The following NETO2 variants were observed in gnomAD, a reference collection of about 807,000 sequenced individuals.
NETO2 encodes neuropilin and tolloid-like protein 2.
In NETO2, 28 loss-of-function variants were observed where a neutral mutation model predicts 62.5. That is an observed-to-expected ratio of 0.45 (90% CI 0.33 to 0.61). The LOEUF (loss-of-function observed/expected upper bound fraction) is 0.61, where lower values mean the gene tolerates loss of function less well. Among genes scored for constraint, NETO2 ranks in the 20% least tolerant of loss-of-function variants. The pLI is 0.02. For missense variants in NETO2, 548 were observed against 643.2 expected (o/e 0.85, Z 1.60); for synonymous variants, 214 against 219.1 (o/e 0.98, Z 0.21).
At position 47,127,489 on chromosome 16, in the gene NETO2, G is replaced by T. The variant is rs74524838; in HGVS notation, c.481+836C>A. ...AAAGAGTAAATATTACAAGACAAAAGATGCCATTAGGTTAAGGATCTTGAA... is the reference window on the plus strand; with the variant it reads ...AAAGAGTAAATATTACAAGACAAAATATGCCATTAGGTTAAGGATCTTGAA... On this transcript the variant is annotated intron_variant, in intron 4 of 8. Transcript: ENST00000562435. Among the ~76,000 whole-genome samples, 24 of 152,220 alleles carry T rather than the reference G, an allele frequency of 1.6e-4. No individual in the cohort carries two copies. In the East Asian group the frequency reaches 4.4e-3, roughly 28 times the overall value.
In NETO2 at chr16:47,081,095, TAGTTACA is replaced by T. The variant is rs1963053055; in HGVS notation, c.*2119_*2125del. On this transcript the variant is annotated 3_prime_UTR_variant, in exon 9 of 9. Transcript: ENST00000562435. ...AAATCAAATTTCAAAAACAAAAATG[TAGTTACA>T]AGTGACTATAGTTTAGCATACTGTA... 6.6e-6 allele frequency: 1 copy of T among 152,192 alleles called. No homozygotes were observed. Among genetic ancestry groups the T allele is most frequent in the Non-Finnish European group, 1.5e-5 (1 of 68,010 alleles). 9.4% of individuals were successfully genotyped at this position (152,192 alleles called of 1,614,324 possible).
At chr16:47,140,752 C>G (rs1964445853) in intron 1 of NETO2, among the ~76,000 whole-genome samples, 2 of 152,076 alleles carry the variant, frequency 1.3e-5, no homozygotes, top group Non-Finnish European at 2.9e-5. Flanking sequence ...GTTTATAGTC[C>G]TGGGTGAAAT....
rs1964513538 is a variant in NETO2, at chr16:47,143,653, C to A, written c.-41G>T. ...GGCGCTTCGCGAAGGGCTGAGGTAG[C>A]GGCGGCGGTGGCTCGGCGCTCACGG... On this transcript the variant is annotated 5_prime_UTR_variant, in exon 1 of 9. Coordinates refer to ENST00000562435, the MANE Select transcript of NETO2 (RefSeq NM_018092.5). 2 of 1,219,198 alleles carry A rather than the reference C, an allele frequency of 1.6e-6. No individual in the cohort carries two copies. Among genetic ancestry groups the A allele is most frequent in the Non-Finnish European group, 2.0e-6 (2 of 977,626 alleles). 75.5% of individuals were successfully genotyped at this position (1,219,198 alleles called of 1,614,324 possible).
chr16:47,106,478 GA>G (rs1254697411), intron 7 of NETO2, among the ~76,000 whole-genome samples: 1 of 149,634 alleles, frequency 6.7e-6, no homozygotes, highest in Non-Finnish European at 1.5e-5. Flanking sequence ...TGCCACAGTT[GA>G]AAAAAAAAGC....
chr16:47,132,616 A>G (rs192990953), intron 1 of NETO2, among the ~76,000 whole-genome samples: 1 of 152,312 alleles, frequency 6.6e-6, no homozygotes, highest in African/African-American at 2.4e-5. Flanking sequence ...CTGAGACCCA[A>G]TCAACAACAT....
At chr16:47,089,193 C>A (rs942250589) in intron 7 of NETO2, among the ~76,000 whole-genome samples, 2 of 152,150 alleles carry the variant, frequency 1.3e-5, no homozygotes, top group South Asian at 4.1e-4. Context: ...GAGTACTCAG[C>A]GGCTGCAGTT....
chr16:47,106,748 C>G (rs1175858942), intron 7 of NETO2, among the ~76,000 whole-genome samples: 1 of 151,374 alleles, frequency 6.6e-6, no homozygotes, highest in Admixed American at 6.6e-5. Flanking sequence ...AAAATGTGCT[C>G]TATGAATTGA....
chr16:47,121,171 ATC>A (rs1404932382), intron 6 of NETO2, among the ~76,000 whole-genome samples: 2 of 151,886 alleles, frequency 1.3e-5, no homozygotes, highest in East Asian at 1.9e-4. Context: ...TTTCTTTCTC[ATC>A]TCTGTTTCCT....
At chr16:47,141,849 C>T (rs1367674186) in intron 1 of NETO2, among the ~76,000 whole-genome samples, 2 of 152,228 alleles carry the variant, frequency 1.3e-5, no homozygotes, top group Non-Finnish European at 1.5e-5. Flanking sequence ...AACGCTTCAC[C>T]ACGATGGCCA....
At chr16:47,101,583 CAA>C (rs1477401750) in intron 7 of NETO2, among the ~76,000 whole-genome samples, 1 of 152,214 alleles carries the variant, frequency 6.6e-6, no homozygotes, top group Non-Finnish European at 1.5e-5. Flanking sequence ...GCAACTTCAG[CAA>C]AGTCTCAGGA....
At chr16:47,136,637 C>T (rs1220760602) in intron 1 of NETO2, among the ~76,000 whole-genome samples, 1 of 152,012 alleles carries the variant, frequency 6.6e-6, no homozygotes. Context: ...AACTCCTGGC[C>T]TCAAATGATC....
At position 47,122,871 on chromosome 16, in the gene NETO2, G is replaced by A; in HGVS notation, c.523C>T (p.Pro175Ser). 6.2e-7 allele frequency: 1 copy of A among 1,613,986 alleles called. No homozygotes were observed. The highest frequency in any genetic ancestry group is 8.5e-7 in the Non-Finnish European group (1 of 1,179,930). ...AACAAGTGGTAATATACTAAACCTG[G>A]AATGGGATTTAAAATACCTCCTAGG... ...TYLGGILNPI[P>S]DCQFELSGAD... The change falls in exon 5 of 9, where the codon CCA (proline) becomes TCA (serine). Residue 175 changes from proline to serine, a missense_variant. Physicochemically the swap from Pro to Ser is moderately conservative, Grantham distance 74 (BLOSUM62 -1). Coordinates refer to ENST00000562435, the MANE Select transcript of NETO2 (RefSeq NM_018092.5).
In NETO2 at chr16:47,077,707, T is replaced by C. The variant is rs1013643422; in HGVS notation, c.*5514A>G. ...AAATGGCATCAGATATTGTGGAGTA[T>C]GACAAAGGTTGGAGGGTAAGAGAAC... On this transcript the variant is annotated 3_prime_UTR_variant, in exon 9 of 9. Transcript: ENST00000562435. The C allele has an allele frequency of 1.3e-5, 2 of 152,230 alleles. No homozygotes were observed. The highest frequency in any genetic ancestry group is 4.8e-5 in the African/African-American group (2 of 41,456). 9.4% of individuals were successfully genotyped at this position (152,230 alleles called of 1,614,324 possible). A position where few individuals can be genotyped will look rare whatever the true frequency, so the allele number is the denominator to read the frequency against.
At chr16:47,110,637 T>C (rs74786805) in intron 6 of NETO2, among the ~76,000 whole-genome samples, 4,337 of 152,294 alleles carry the variant, frequency 0.028, 83 homozygotes, top group Non-Finnish European at 0.045. Context: ...TATGTGACTC[T>C]ATCATTAAAA....
intron 1 of NETO2, among the ~76,000 whole-genome samples, chr16:47,132,570 A>AT (rs1432120759): frequency 9.9e-5 from 15 of 152,242 alleles, no homozygotes; most frequent in African/African-American, 3.6e-4. Flanking sequence ...GGCTAGCCAT[A>AT]TTTAACACTG....
chr16:47,142,891 G>A (rs1964488578), intron 1 of NETO2, among the ~76,000 whole-genome samples: 1 of 152,152 alleles, frequency 6.6e-6, no homozygotes, highest in African/African-American at 2.4e-5. Context: ...CACCAGCGGC[G>A]GGGAATTCTG....
chr16:47,093,274 G>C lies in NETO2; in HGVS notation c.884-6935C>G, dbSNP rs549198778. ...CTGCTTCAATGCTTTGCTCATTATT[G>C]CTTCTGTCTAAAATAACAGCCTCAA... On this transcript the variant is annotated intron_variant, in intron 7 of 8. Coordinates refer to ENST00000562435, the MANE Select transcript of NETO2 (RefSeq NM_018092.5). 2.0e-5 allele frequency among the ~76,000 whole-genome samples: 3 copies of C among 152,016 alleles called. No individual in the cohort carries two copies. In the East Asian group the frequency reaches 5.8e-4, roughly 29 times the overall value.
chr16:47,132,165 A>G, intron 1 of NETO2, 140 bp from the exon 2 acceptor site: 4 of 658,616 alleles, frequency 6.1e-6, no homozygotes, highest in Non-Finnish European at 1.0e-5. Flanking sequence ...AAGATCTTTA[A>G]GCATTAAATG....
rs762341381 is a variant in NETO2 at position 47,122,681 on chromosome 16, G to A, written c.630C>T (p.Thr210=). The A allele has an allele frequency of 6.2e-7, 1 of 1,614,090 alleles. No individual in the cohort carries two copies. Among genetic ancestry groups the A allele is most frequent in the East Asian group, 2.2e-5 (1 of 44,870 alleles). Residue 210 remains threonine, a synonymous_variant, in exon 6 of 9, where the codon ACC becomes ACT. Transcript: ENST00000562435. The part of the protein sequence containing the change: ...KPGQAVDCIW[T]IKATPKAKIY... ...CCTTAGCTTTTGGAGTGGCTTTAAT[G>A]GTCCAGATGCAATCAACGGCTTGGC...
Sources: gnomAD v4.1 joint callset for allele counts (sites outside exome capture counted in the v4.1 genomes callset) on GRCh38, gnomAD v4.1.1 for gene constraint, MANE v1.5 for transcripts, NCBI Gene and HGNC (gene_info 2026-07-23, HGNC 2026-07-21) for gene names.